LRRC37A2: variants seen among roughly 807,000 people sequenced by gnomAD.
LRRC37A2 encodes the protein leucine-rich repeat-containing protein 37A2.
LRRC37A2 carries 9 observed loss-of-function variants against 68.8 expected under a neutral mutation model. The observed-to-expected ratio is 0.13, with a 90% CI of 0.08 to 0.23. The LOEUF is 0.23. Ranked by LOEUF, LRRC37A2 falls within the 10% of genes least tolerant of loss-of-function variation. The pLI is 1.00. For missense variants in LRRC37A2, 168 were observed against 950.4 expected (o/e 0.18, Z 10.82); for synonymous variants, 63 against 367.6 (o/e 0.17, Z 9.48).
At chr17:46,708,490 C>G in the LRRC37A2 span, among the ~76,000 whole-genome samples, 1 of 143,048 alleles carries the variant, frequency 7.0e-6, no homozygotes, top group African/African-American at 2.6e-5. Flanking sequence ...TGTTACATAT[C>G]CTTTTTTTTT....
the LRRC37A2 span, among the ~76,000 whole-genome samples, chr17:46,887,710 G>A: frequency 6.6e-6 from 1 of 152,116 alleles, no homozygotes; most frequent in Non-Finnish European, 1.5e-5. Context: ...GTTTCAGTGA[G>A]CCAAGATCAC....
At chr17:46,877,787 A>G in the LRRC37A2 span, among the ~76,000 whole-genome samples, 1 of 152,152 alleles carries the variant, frequency 6.6e-6, no homozygotes, top group African/African-American at 2.4e-5. Context: ...TTACATTTCT[A>G]TTCTTGTGGC....
the LRRC37A2 span, among the ~76,000 whole-genome samples, chr17:46,610,041 C>CTCTCTCTCTCTT: frequency 1.7e-5 from 2 of 118,656 alleles, no homozygotes; most frequent in Non-Finnish European, 3.7e-5. Context: ...CTCTCTCTCT[C>CTCTCTCTCTCTT]TCTTTCTTTC....
the LRRC37A2 span, among the ~76,000 whole-genome samples, chr17:46,743,718 G>A: frequency 5.9e-5 from 9 of 152,170 alleles, no homozygotes; most frequent in African/African-American, 2.2e-4. Context: ...TGTCCTTGGG[G>A]CAGCAGCTCC....
chr17:46,732,070 A>G, the LRRC37A2 span, among the ~76,000 whole-genome samples: 1 of 152,234 alleles, frequency 6.6e-6, no homozygotes, highest in Non-Finnish European at 1.5e-5. Flanking sequence ...TTAAAGGTAT[A>G]TTCAGCTAAA....
At chr17:46,880,923 G>A in the LRRC37A2 span, among the ~76,000 whole-genome samples, 1 of 152,204 alleles carries the variant, frequency 6.6e-6, no homozygotes, top group African/African-American at 2.4e-5. Flanking sequence ...ATGGCTCAGG[G>A]TGGGGCGGGA....
chr17:46,493,728 G>A, the LRRC37A2 span, among the ~76,000 whole-genome samples: 2 of 149,850 alleles, frequency 1.3e-5, no homozygotes, highest in Admixed American at 1.3e-4. Context: ...TAGTAGAGAC[G>A]GGGTTTCACC....
the LRRC37A2 span, among the ~76,000 whole-genome samples, chr17:46,740,768 T>TCGGCTCA: frequency 6.6e-6 from 1 of 151,878 alleles, no homozygotes; most frequent in African/African-American, 2.4e-5. Context: ...TTCAAGTGAT[T>TCGGCTCA]CTCCTACCTC....
chr17:46,962,518 G>A, the LRRC37A2 span, among the ~76,000 whole-genome samples: 4 of 152,108 alleles, frequency 2.6e-5, no homozygotes, highest in African/African-American at 9.7e-5. Flanking sequence ...CAATTATTGA[G>A]GTCTGGAAAC....
the LRRC37A2 span, among the ~76,000 whole-genome samples, chr17:46,740,505 T>C: frequency 1.3e-5 from 2 of 152,058 alleles, no homozygotes; most frequent in Non-Finnish European, 2.9e-5. Context: ...CTGAGATAGG[T>C]AGGGAAAATC....
At chr17:46,729,217 A>G in the LRRC37A2 span, among the ~76,000 whole-genome samples, 2 of 152,288 alleles carry the variant, frequency 1.3e-5, no homozygotes, top group Middle Eastern at 3.4e-3. Context: ...ACCATATTAC[A>G]TATCCCTACT....
chr17:47,021,058 T>C, the LRRC37A2 span, among the ~76,000 whole-genome samples: 4 of 152,126 alleles, frequency 2.6e-5, no homozygotes, highest in African/African-American at 9.7e-5. Context: ...TAGACCAACG[T>C]GGTTACAAAG....
At chr17:46,945,227 T>C in the LRRC37A2 span, among the ~76,000 whole-genome samples, 1 of 152,188 alleles carries the variant, frequency 6.6e-6, no homozygotes, top group South Asian at 2.1e-4. Flanking sequence ...CCTGATGTGC[T>C]GTCTTCTGCA....
chr17:46,671,803 C>G, the LRRC37A2 span, among the ~76,000 whole-genome samples: 1 of 133,482 alleles, frequency 7.5e-6, no homozygotes, highest in Non-Finnish European at 1.7e-5. Context: ...TGAGCATTTT[C>G]TGTGTACAGA....
the LRRC37A2 span, among the ~76,000 whole-genome samples, chr17:46,958,396 G>C: frequency 6.6e-6 from 1 of 152,206 alleles, no homozygotes; most frequent in African/African-American, 2.4e-5. Context: ...AAAGAAGACT[G>C]GGGGTGGGAA....
chr17:46,858,175 C>T, the LRRC37A2 span, among the ~76,000 whole-genome samples: 17 of 152,278 alleles, frequency 1.1e-4, no homozygotes, highest in Middle Eastern at 6.8e-3. Context: ...TGTGATCCAC[C>T]CACCTCGGCC....
the LRRC37A2 span, among the ~76,000 whole-genome samples, chr17:46,413,534 ACTC>A: frequency 1.9e-4 from 5 of 26,310 alleles, 1 homozygote; most frequent in African/African-American, 3.1e-4. Flanking sequence ...CTTTTATCCT[ACTC>A]CTCATTTAGG....
chr17:46,826,898 GTCC>G, the LRRC37A2 span, among the ~76,000 whole-genome samples: 1 of 151,030 alleles, frequency 6.6e-6, no homozygotes, highest in Non-Finnish European at 1.5e-5. Flanking sequence ...TGCTGCCTCA[GTCC>G]TCCTAGCTGG....
chr17:47,033,803 T>C, the LRRC37A2 span, among the ~76,000 whole-genome samples: 1 of 152,272 alleles, frequency 6.6e-6, no homozygotes, highest in Non-Finnish European at 1.5e-5. Flanking sequence ...AGCAAAAGGC[T>C]TGTATAAAAA....
Sources: gnomAD v4.1 joint callset for allele counts (sites outside exome capture counted in the v4.1 genomes callset) on GRCh38, gnomAD v4.1.1 for gene constraint, MANE v1.5 for transcripts, NCBI Gene and HGNC (gene_info 2026-07-23, HGNC 2026-07-21) for gene names.